Variants in HELB observed in about 807,000 individuals in gnomAD.
HELB encodes the protein DNA 5'-3' helicase B.
A neutral mutation model predicts 101.7 loss-of-function variants in HELB; 96 were observed. The ratio of observed to expected loss-of-function variants is 0.94; its 90% confidence interval spans 0.80 to 1.12. The LOEUF (loss-of-function observed/expected upper bound fraction) is 1.12. Ranked by LOEUF, HELB falls within the 50% of genes most tolerant of loss-of-function variation. The pLI, the probability that HELB is intolerant of heterozygous loss-of-function variation, is 0.00. For missense variants in HELB, 1,210 were observed against 1,291.9 expected, an observed-to-expected ratio of 0.94 and a Z score of 0.97; for synonymous variants, 437 against 459.7, an observed-to-expected ratio of 0.95 and a Z score of 0.63.
chr12:66,334,208 T>C (rs2053840374), intron 12 of HELB, among the ~76,000 whole-genome samples: 1 of 147,238 alleles, frequency 6.8e-6, no homozygotes, highest in African/African-American at 2.5e-5. Context: ...ACACTTGTAA[T>C]TCCAACACCT....
chr12:66,342,815 C>T (rs2053927574), downstream of HELB: 1 of 152,108 alleles, frequency 6.6e-6, no homozygotes, highest in Non-Finnish European at 1.5e-5. Context: ...ATGCCTCACC[C>T]TCCCGAGTAG....
intron 12 of HELB, among the ~76,000 whole-genome samples, chr12:66,333,113 G>A (rs969358662): frequency 5.9e-5 from 9 of 152,208 alleles, no homozygotes; most frequent in South Asian, 2.1e-4. Flanking sequence ...GGAGGAAAGC[G>A]CACCAGTGCC....
At chr12:66,335,807 C>T (rs907857410) in intron 12 of HELB, among the ~76,000 whole-genome samples, 4 of 152,118 alleles carry the variant, frequency 2.6e-5, no homozygotes, top group African/African-American at 7.2e-5. Context: ...GGGTGTAGTA[C>T]GTTGGGTATA....
At chr12:66,339,025 A>G (rs1175080771), downstream of HELB, 1 of 152,226 alleles carries the variant, frequency 6.6e-6, no homozygotes, top group Non-Finnish European at 1.5e-5. Context: ...AAATGGTAAA[A>G]GAAAAAGTCA....
chr12:66,320,513 A>G (rs75971303), intron 7 of HELB, among the ~76,000 whole-genome samples: 2,325 of 152,308 alleles, frequency 0.015, 67 homozygotes, highest in African/African-American at 0.054. Context: ...ACTTAGTTAA[A>G]TAGATCTCTT....
In HELB at chr12:66,338,117, G is replaced by T. The variant is rs777363222; in HGVS notation, c.*15G>T. The T allele has an allele frequency of 5.5e-5, 74 of 1,356,242 alleles. 2 individuals carry two copies. The highest frequency in any genetic ancestry group is 3.1e-4 in the South Asian group (26 of 85,108). The allele number at this position is 1,356,242 out of a possible 1,614,324, so 84.0% of individuals were successfully genotyped here. On this transcript the variant is annotated 3_prime_UTR_variant, in exon 13 of 13. Coordinates refer to ENST00000247815, the MANE Select transcript of HELB (RefSeq NM_001370285.1). ...AAGAAACTTAGTTTTATTTCAAATT[G>T]TTCCGAGTAACTATGTTTTTCTATT...
chr12:66,303,515 C>T (rs1253644988), intron 1 of HELB, among the ~76,000 whole-genome samples: 1 of 151,950 alleles, frequency 6.6e-6, no homozygotes, highest in African/African-American at 2.4e-5. Context: ...CACCTGTAAT[C>T]CTAGCTACTT....
intron 12 of HELB, among the ~76,000 whole-genome samples, chr12:66,336,257 A>G (rs527989311): frequency 3.3e-5 from 5 of 152,272 alleles, no homozygotes; most frequent in Admixed American, 1.3e-4. Context: ...GAGGCAGTAA[A>G]AGATCCTTTT....
intron 9 of HELB, among the ~76,000 whole-genome samples, chr12:66,323,218 C>T (rs772024163): frequency 3.2e-4 from 49 of 152,008 alleles, no homozygotes; most frequent in Admixed American, 5.9e-4. Context: ...TAATTCATTT[C>T]TCTTGAATTG....
chr12:66,324,436 T>C (rs2053711575), intron 10 of HELB: 1 of 394,954 alleles, frequency 2.5e-6, no homozygotes, highest in Non-Finnish European at 4.5e-6. Flanking sequence ...AGAAAATGAG[T>C]TGGGAAGTGC....
chr12:66,334,595 C>T (rs995421165), intron 12 of HELB, among the ~76,000 whole-genome samples: 4 of 151,688 alleles, frequency 2.6e-5, no homozygotes, highest in South Asian at 2.1e-4. Context: ...AGCAACATGG[C>T]GAAACCCCAT....
Position 66,310,214 on chromosome 12 carries a change from G to A in HELB, c.1286G>A (p.Trp429Ter), listed in dbSNP as rs1306787871. 1 of 1,614,090 alleles carries A rather than the reference G, an allele frequency of 6.2e-7. No individual in the cohort carries two copies. The highest frequency in any genetic ancestry group is 1.7e-5 in the Admixed American group (1 of 60,016). ...ACACAGGACAATGGTGACCATATTTGGACTAATGGTGAAAATGAAATTAAT... is the reference window on the plus strand; with the variant it reads ...ACACAGGACAATGGTGACCATATTTAGACTAATGGTGAAAATGAAATTAAT... ...VDTQDNGDHIWTNGENEINAE... is the reference protein window; with the variant it reads ...VDTQDNGDHI The change falls in exon 4 of 13, where the codon TGG becomes TAG. Residue 429 changes from tryptophan (W) to a stop codon, truncating the protein, a stop_gained. Coordinates refer to ENST00000247815, the MANE Select transcript of HELB (RefSeq NM_001370285.1). LOFTEE classifies it high-confidence loss of function.
chr12:66,310,670 G>A, intron 4 of HELB, 62 bp downstream of exon 4: 5 of 1,468,406 alleles, frequency 3.4e-6, no homozygotes, highest in Admixed American at 2.1e-5. Flanking sequence ...AGTGGCTCAC[G>A]CCTGTAATCC....
At chr12:66,331,973 T>A (rs1352507534) in intron 12 of HELB, among the ~76,000 whole-genome samples, 1 of 152,122 alleles carries the variant, frequency 6.6e-6, no homozygotes, top group Non-Finnish European at 1.5e-5. Flanking sequence ...ATAGTAACAT[T>A]TCAGGCACCA....
chr12:66,308,519 A>G (rs1022781631), intron 3 of HELB, among the ~76,000 whole-genome samples: 14 of 152,322 alleles, frequency 9.2e-5, no homozygotes, highest in African/African-American at 3.4e-4. Context: ...TGCCAGAACA[A>G]GTACTGCTGA....
In HELB at chr12:66,322,712, CGT is replaced by C; in HGVS notation, c.2238-7_2238-6del. ...ACCATTAAGGTGACCCCTGCATTTT[CGT>C]GTGTTTCAGGCAAGACTGTGATCTA... is the stretch of plus-strand genomic sequence containing the variant. On this transcript the variant is annotated splice_polypyrimidine_tract_variant and intron_variant, in intron 8 of 12. Coordinates refer to ENST00000247815, the MANE Select transcript of HELB (RefSeq NM_001370285.1). The C allele has an allele frequency of 1.9e-6, 3 of 1,599,712 alleles. No homozygotes were observed. The highest frequency in any genetic ancestry group is 2.6e-6 in the Non-Finnish European group (3 of 1,170,204).
Position 66,323,995 on chromosome 12 carries a change from T to C in HELB, c.2310T>C (p.Ser770=), listed in dbSNP as rs767323041. ...YTGHLTKDHQ[S]RLVFGIGDKI... ...TTTTCTATCCCAGAGACCATCAGAG[T>C]AGACTTGTTTTTGGAATTGGTGATA... Residue 770 remains serine (S), a synonymous_variant, in exon 10 of 13, where the codon AGT becomes AGC. Transcript: ENST00000247815. 1 of 1,607,762 alleles carries C rather than the reference T, an allele frequency of 6.2e-7. No individual in the cohort carries two copies. Among genetic ancestry groups the C allele is most frequent in the Non-Finnish European group, 8.5e-7 (1 of 1,174,644 alleles).
chr12:66,310,100 C>T lies in HELB; in HGVS notation c.1172C>T (p.Thr391Ile), dbSNP rs1198169182. ...DVEKVLASIH[T>I]TKPENSSDDA... ...GAAAAGGTGCTTGCCTCTATTCACA[C>T]CACAAAACCTGAGAATTCAAGCGAT... The change falls in exon 4 of 13, where the codon ACC becomes ATC. Residue 391 changes from threonine to isoleucine, a missense_variant. By Grantham distance (89) the Thr-to-Ile change is moderately conservative. This residue lies in a region of HELB where 470 missense variants were observed against 563.1 expected (regional missense o/e 0.83). Transcript: ENST00000247815. 3 of 1,614,052 alleles carry T rather than the reference C, an allele frequency of 1.9e-6. No individual in the cohort carries two copies. The highest frequency in any genetic ancestry group is 2.5e-6 in the Non-Finnish European group (3 of 1,180,040).
Position 66,310,490 on chromosome 12 carries a change from C to T in HELB, c.1562C>T (p.Thr521Ile), listed in dbSNP as rs1275433822. 1 of 1,614,032 alleles carries T rather than the reference C, an allele frequency of 6.2e-7. No homozygotes were observed. ...GCTTCAGAAGAATGGATTACCTTTA[C>T]TGAGCAAAGTCAACTAGAGGCGGAC... is the stretch of plus-strand genomic sequence containing the variant. ...QNASEEWITF[T>I]EQSQLEADKA... Residue 521 changes from threonine (T) to isoleucine (I), a missense_variant, in exon 4 of 13, where the codon ACT becomes ATT. Thr to Ile is a moderately conservative substitution (Grantham distance 89). This residue lies in a region of HELB where 740 missense variants were observed against 728.8 expected (regional missense o/e 1.02). Transcript: ENST00000247815.
Sources: allele counts gnomAD v4.1 joint callset (sites outside exome capture counted in the v4.1 genomes callset), GRCh38; gene constraint gnomAD v4.1.1; regional missense constraint gnomAD v4.1.1; transcripts MANE v1.5; gene names NCBI Gene and HGNC (gene_info 2026-07-23, HGNC 2026-07-21).